SERPINB7: variants seen among roughly 807,000 people sequenced by gnomAD.
SERPINB7 encodes the protein serpin B7.
SERPINB7 carries 31 observed loss-of-function variants against 37.4 expected under a neutral mutation model. The observed-to-expected ratio is 0.83, with a 90% CI of 0.62 to 1.12. The LOEUF is 1.12. Ranked by LOEUF, SERPINB7 falls within the 50% of genes most tolerant of loss-of-function variation. SERPINB7 has a pLI of 0.00. For missense variants in SERPINB7, 521 were observed against 455.3 expected (o/e 1.14, Z -1.31); for synonymous variants, 163 against 166.1 (o/e 0.98, Z 0.14).
At chr18:63,796,139 A>G (rs1374815700) in intron 4 of SERPINB7, 127 bp from the exon 5 acceptor site, 1 of 569,346 alleles carries the variant, frequency 1.8e-6, no homozygotes, top group African/African-American at 1.9e-5. Flanking sequence ...CTATATTTAC[A>G]TACTCATTTT....
At chr18:63,759,720 G>T (rs1194607220) in intron 1 of SERPINB7, among the ~76,000 whole-genome samples, 2 of 152,232 alleles carry the variant, frequency 1.3e-5, no homozygotes, top group Non-Finnish European at 1.5e-5. Flanking sequence ...GAATCAAGGT[G>T]GTTGGTCTTT....
intron 2 of SERPINB7, among the ~76,000 whole-genome samples, chr18:63,783,226 G>A (rs965041848): frequency 0.021 from 1,317 of 62,816 alleles, 100 homozygotes; most frequent in African/African-American, 0.072. Context: ...GAGAGAGAGA[G>A]AGAGAGAGAA....
chr18:63,774,312 C>T (rs569071019), upstream of SERPINB7, among the ~76,000 whole-genome samples: 2 of 152,056 alleles, frequency 1.3e-5, no homozygotes, highest in South Asian at 2.1e-4. Flanking sequence ...AATTGAGAGG[C>T]GAGCAACTGT....
intron 2 of SERPINB7, among the ~76,000 whole-genome samples, chr18:63,783,615 C>G (rs995194335): frequency 6.6e-6 from 1 of 152,224 alleles, no homozygotes; most frequent in Non-Finnish European, 1.5e-5. Context: ...GCACACAGCT[C>G]TGGGAGCACT....
At chr18:63,765,627 C>G (rs1041527064) in intron 1 of SERPINB7, among the ~76,000 whole-genome samples, 4 of 152,042 alleles carry the variant, frequency 2.6e-5, no homozygotes, top group African/African-American at 9.7e-5. Context: ...TGCCACTCTT[C>G]TTGCTGTTCT....
In SERPINB7 at chr18:63,798,617, C is replaced by T. The variant is rs367921321; in HGVS notation, c.468C>T (p.Asn156=). The T allele has an allele frequency of 2.5e-5, 39 of 1,553,798 alleles. No individual in the cohort carries two copies. The highest frequency in any genetic ancestry group is 1.7e-4 in the Middle Eastern group (1 of 5,912). ...VENETHGKIK[N]VIGEGGISSS... ...TTTTTTCAAAAGGCAAAATCAAGAA[C>T]GTGATTGGTGAAGGTGGCATAAGCT... The change falls in exon 6 of 8, where the codon AAC becomes AAT. Residue 156 remains asparagine (N), a synonymous_variant. Coordinates refer to ENST00000398019, the MANE Select transcript of SERPINB7 (RefSeq NM_003784.4).
chr18:63,784,097 G>A (rs1012709546), intron 2 of SERPINB7, among the ~76,000 whole-genome samples: 2 of 152,076 alleles, frequency 1.3e-5, no homozygotes, highest in African/African-American at 4.8e-5. Flanking sequence ...TAAGCCCTAA[G>A]AATATGATCT....
intron 1 of SERPINB7, among the ~76,000 whole-genome samples, chr18:63,766,151 T>C (rs967383653): frequency 6.6e-5 from 10 of 152,210 alleles, no homozygotes; most frequent in Admixed American, 4.6e-4. Flanking sequence ...AGACAGAAGC[T>C]TCTACTTGCA....
At chr18:63,777,879 G>GACACACATACACACACACAC (rs1354060206) in intron 1 of SERPINB7, 9 of 131,280 alleles carry the variant, frequency 6.9e-5, no homozygotes, top group African/African-American at 2.6e-4. Context: ...TTTGAAAAAA[G>GACACACATACACACACACAC]ACACACACAC....
intron 2 of SERPINB7, among the ~76,000 whole-genome samples, chr18:63,784,340 A>T (rs2049343548): frequency 6.6e-6 from 1 of 152,108 alleles, no homozygotes; most frequent in African/African-American, 2.4e-5. Context: ...ATCAACAACT[A>T]CCCGCAGCAT....
chr18:63,764,888 G>A (rs2049172566), intron 1 of SERPINB7, among the ~76,000 whole-genome samples: 1 of 152,114 alleles, frequency 6.6e-6, no homozygotes, highest in African/African-American at 2.4e-5. Flanking sequence ...CAGAAGAGGT[G>A]AGTAATTAGG....
intron 2 of SERPINB7, among the ~76,000 whole-genome samples, chr18:63,784,670 T>G (rs924863809): frequency 3.9e-5 from 6 of 152,154 alleles, no homozygotes; most frequent in African/African-American, 1.2e-4. Context: ...AGATCTGACC[T>G]TGGGAAAATC....
At chr18:63,793,132 T>C (rs2144632189) in intron 3 of SERPINB7, 29 bp from the exon 4 acceptor site, 4 of 1,282,472 alleles carry the variant, frequency 3.1e-6, no homozygotes, top group Non-Finnish European at 4.4e-6. Flanking sequence ...AGTCCAAAAA[T>C]AAATTTTTAT....
At chr18:63,774,098 TA>T (rs1276698963), upstream of SERPINB7, among the ~76,000 whole-genome samples, 1 of 152,016 alleles carries the variant, frequency 6.6e-6, no homozygotes, top group Admixed American at 6.6e-5. Flanking sequence ...ATTTTTTTTT[TA>T]TATTAACAAC....
chr18:63,796,445 C>T (rs575173119), intron 5 of SERPINB7, 62 bp downstream of exon 5: 1 of 906,574 alleles, frequency 1.1e-6, no homozygotes, highest in Non-Finnish European at 1.8e-6. Flanking sequence ...ATACTGGGAA[C>T]AAAAGCTGGG....
upstream of SERPINB7, among the ~76,000 whole-genome samples, chr18:63,771,248 G>A (rs1189640713): frequency 6.6e-6 from 1 of 152,052 alleles, no homozygotes; most frequent in African/African-American, 2.4e-5. Context: ...AATGTAGGAA[G>A]TACTTTCGAT....
At chr18:63,797,744 T>C (rs2049503357) in intron 5 of SERPINB7, among the ~76,000 whole-genome samples, 1 of 152,222 alleles carries the variant, frequency 6.6e-6, no homozygotes, top group Non-Finnish European at 1.5e-5. Flanking sequence ...TGTCTTTCAA[T>C]GAATCCTGAG....
intron 1 of SERPINB7, among the ~76,000 whole-genome samples, 196 bp from the exon 2 acceptor site, chr18:63,782,159 A>G (rs1464618973): frequency 6.6e-6 from 1 of 152,114 alleles, no homozygotes; most frequent in Non-Finnish European, 1.5e-5. Context: ...ACCAACGAGA[A>G]GAGATAGTTT....
chr18:63,800,782 C>A, intron 6 of SERPINB7, 84 bp from the exon 7 acceptor site: 2 of 1,466,600 alleles, frequency 1.4e-6, no homozygotes, highest in Non-Finnish European at 1.8e-6. Flanking sequence ...ATTTATTGAC[C>A]AAGTACAATA....
Sources: allele counts gnomAD v4.1 joint callset (sites outside exome capture counted in the v4.1 genomes callset), GRCh38; gene constraint gnomAD v4.1.1; transcripts MANE v1.5; gene names NCBI Gene and HGNC (gene_info 2026-07-23, HGNC 2026-07-21).